The following PARG variants were observed in gnomAD, a reference collection of about 807,000 sequenced individuals.
The protein encoded by PARG is mitochondrial poly(ADP-ribose) glycohydrolase.
A neutral mutation model predicts 113.0 loss-of-function variants in PARG; 35 were observed. The ratio of observed to expected loss-of-function variants is 0.31; its 90% CI spans 0.24 to 0.41. The LOEUF (loss-of-function observed/expected upper bound fraction) is 0.41. Among genes scored for constraint, PARG ranks in the 10% least tolerant of loss-of-function variants. The probability of loss-of-function intolerance (pLI) is 1.00; values close to 1 mark genes in which losing one functional copy is unlikely to be tolerated. For missense variants in PARG, 797 were observed against 1,169.4 expected (o/e 0.68, Z 4.64); for synonymous variants, 330 against 409.9 (o/e 0.81, Z 2.36).
intron 12 of PARG, among the ~76,000 whole-genome samples, chr10:49,859,894 A>C (rs1846175356): frequency 6.6e-6 from 1 of 152,172 alleles, no homozygotes; most frequent in Non-Finnish European, 1.5e-5. Context: ...GTTCCAGTAC[A>C]TGAAAACAAG....
intron 6 of PARG, among the ~76,000 whole-genome samples, chr10:49,921,203 G>A (rs1247876305): frequency 1.3e-5 from 2 of 152,130 alleles, no homozygotes; most frequent in Admixed American, 1.3e-4. Context: ...AGTATGTAAT[G>A]GCTGAATTAA....
chr10:49,891,590 CATATATATAT>C (rs1211471476), intron 7 of PARG, among the ~76,000 whole-genome samples: 1,316 of 48,574 alleles, frequency 0.027, 31 homozygotes, highest in Admixed American at 0.032. Context: ...TCCTATGGTC[CATATATATAT>C]ATATATATAT....
intron 7 of PARG, among the ~76,000 whole-genome samples, chr10:49,901,761 A>G (rs1382883730): frequency 7.6e-4 from 116 of 152,260 alleles, no homozygotes; most frequent in African/African-American, 2.7e-3. Flanking sequence ...AATTATTTGA[A>G]GTAATATCCA....
chr10:49,856,668 T>C lies in PARG; in HGVS notation c.2353+638A>G, dbSNP rs1186243849. ...AATGGAAGAATTACAACAGAATACA[T>C]ACTAGAGGCATATCACTATGTTCTT... On this transcript the variant is annotated intron_variant, in intron 13 of 17. Coordinates refer to ENST00000616448, the MANE Select transcript of PARG (RefSeq NM_003631.5). 7.9e-3 allele frequency among the ~76,000 whole-genome samples: 1,209 copies of C among 152,186 alleles called. 6 individuals are homozygous for C. Among genetic ancestry groups the C allele is most frequent in the African/African-American group, 0.027 (1,129 of 41,498 alleles).
At chr10:49,820,615 G>A (rs924432976) in intron 16 of PARG, among the ~76,000 whole-genome samples, 12 of 151,898 alleles carry the variant, frequency 7.9e-5, no homozygotes, top group African/African-American at 1.9e-4. Context: ...CCAGCTACTC[G>A]GGAGGCTGAA....
rs555483240 is a variant in PARG at position 49,833,104 on chromosome 10, C to T, written c.2542-196G>A. ...AACCTGGGATTATGCAAGGAAGAGA[C>T]TAAGAAATGATAAATTCTAATATTT... On this transcript the variant is annotated intron_variant, in intron 15 of 17. Coordinates refer to ENST00000616448, the MANE Select transcript of PARG (RefSeq NM_003631.5). 1.8e-5 allele frequency: 7 copies of T among 383,504 alleles called. No individual in the cohort carries two copies. In the South Asian group the frequency reaches 3.2e-4, roughly 17 times the overall value. The allele number at this position is 383,504 out of a possible 1,614,324, so 23.8% of individuals were successfully genotyped here. A position where few individuals can be genotyped will look rare whatever the true frequency, so the allele number is the denominator to read the frequency against.
At chr10:49,832,770 A>G (rs915028056) in intron 16 of PARG, 33 bp downstream of exon 16, 4 of 1,258,464 alleles carry the variant, frequency 3.2e-6, no homozygotes, top group Non-Finnish European at 4.5e-6. Flanking sequence ...TTGTGTGGGC[A>G]GAATGCTTTT....
intron 7 of PARG, among the ~76,000 whole-genome samples, chr10:49,905,399 C>T (rs1160191045): frequency 6.6e-6 from 1 of 152,184 alleles, no homozygotes; most frequent in South Asian, 2.1e-4. Flanking sequence ...GTTATTCCCT[C>T]TCTCCCTCCT....
intron 6 of PARG, among the ~76,000 whole-genome samples, chr10:49,916,865 C>A (rs1347554418): frequency 6.6e-6 from 1 of 152,080 alleles, no homozygotes; most frequent in Non-Finnish European, 1.5e-5. Context: ...AATTTTTTTA[C>A]TGAGGCACAC....
chr10:49,894,645 T>C (rs1178101289), intron 7 of PARG, among the ~76,000 whole-genome samples: 5 of 152,208 alleles, frequency 3.3e-5, no homozygotes, highest in Non-Finnish European at 5.9e-5. Context: ...TTTCCCTTGT[T>C]GTATTGCTTT....
At chr10:49,917,305 A>G (rs1837536803) in intron 6 of PARG, among the ~76,000 whole-genome samples, 1 of 152,086 alleles carries the variant, frequency 6.6e-6, no homozygotes, top group Admixed American at 6.5e-5. Context: ...CCTGGCCAAC[A>G]TGGTGAAACC....
At position 49,889,746 on chromosome 10, in the gene PARG, A is replaced by G. The variant is rs1157555321; in HGVS notation, c.1738-4451T>C. Among the ~76,000 whole-genome samples, 6 of 152,230 alleles carry G rather than the reference A, an allele frequency of 3.9e-5. No individual in the cohort carries two copies. In the South Asian group the frequency reaches 8.3e-4, roughly 21 times the overall value. On this transcript the variant is annotated intron_variant, in intron 7 of 17. Coordinates refer to ENST00000616448, the MANE Select transcript of PARG (RefSeq NM_003631.5). ...TCCATCTTTGTCTTTTAAAACTGAC[A>G]TGAGTGGCTACTGCAGCGCTCTGCT...
At chr10:49,878,015 C>CA in intron 9 of PARG, among the ~76,000 whole-genome samples, 1 of 150,916 alleles carries the variant, frequency 6.6e-6, no homozygotes, top group African/African-American at 2.4e-5. Context: ...TCAGCAGACA[C>CA]TACCTTCGCC....
chr10:49,847,605 T>C (rs1451327183), intron 13 of PARG, among the ~76,000 whole-genome samples: 1 of 151,490 alleles, frequency 6.6e-6, no homozygotes, highest in Non-Finnish European at 1.5e-5. Flanking sequence ...ATGGTTCCAG[T>C]TTAAAGAATA....
chr10:49,934,903 C>T (rs1838675857), intron 2 of PARG, among the ~76,000 whole-genome samples, 173 bp downstream of exon 2: 1 of 150,336 alleles, frequency 6.7e-6, no homozygotes, highest in Admixed American at 6.6e-5. Context: ...CTCAAGTATA[C>T]AGGACAGTCC....
At chr10:49,881,753 T>G (rs1847227275) in intron 8 of PARG, among the ~76,000 whole-genome samples, 1 of 152,230 alleles carries the variant, frequency 6.6e-6, no homozygotes, top group African/African-American at 2.4e-5. Context: ...ATTCAACTAT[T>G]TCTCTTGGAA....
intron 10 of PARG, among the ~76,000 whole-genome samples, chr10:49,868,895 T>C (rs1846652841): frequency 6.6e-6 from 1 of 151,854 alleles, no homozygotes; most frequent in Non-Finnish European, 1.5e-5. Context: ...GAGATAAGAG[T>C]GGCAATACCA....
At chr10:49,865,628 G>C (rs1268324632) in intron 10 of PARG, among the ~76,000 whole-genome samples, 1 of 145,382 alleles carries the variant, frequency 6.9e-6, no homozygotes, top group Non-Finnish European at 1.5e-5. Context: ...TTCACTAAAC[G>C]AAACTATACA....
At chr10:49,883,162 T>C (rs1373401696) in intron 8 of PARG, among the ~76,000 whole-genome samples, 2 of 152,242 alleles carry the variant, frequency 1.3e-5, no homozygotes, top group Non-Finnish European at 2.9e-5. Flanking sequence ...CAACTGAAGG[T>C]GGCATAGTCC....
Sources: gnomAD v4.1 joint callset for allele counts (sites outside exome capture counted in the v4.1 genomes callset) on GRCh38, gnomAD v4.1.1 for gene constraint, MANE v1.5 for transcripts, NCBI Gene and HGNC (gene_info 2026-07-23, HGNC 2026-07-21) for gene names.